FGFR2: variants seen among roughly 807,000 people sequenced by gnomAD.
The protein encoded by FGFR2 is fibroblast growth factor receptor 2.
In FGFR2, 19 loss-of-function variants were observed where a neutral mutation model predicts 95.9. The observed-to-expected ratio is 0.20, with a 90% confidence interval of 0.14 to 0.29. The LOEUF (loss-of-function observed/expected upper bound fraction) is 0.29, where lower values mean the gene tolerates loss of function less well. FGFR2 is among the 10% of genes least tolerant of loss of function. The pLI is 1.00. For synonymous variants in FGFR2, 392 were observed against 393.3 expected (o/e 1.00, Z 0.04); for missense variants, 707 against 1,056.9 (o/e 0.67, Z 4.59).
At chr10:121,584,997 C>G (rs1395660869) in intron 2 of FGFR2, among the ~76,000 whole-genome samples, 3 of 150,940 alleles carry the variant, frequency 2.0e-5, no homozygotes, top group Non-Finnish European at 4.4e-5. Flanking sequence ...GATTCCATAA[C>G]CCCTCTCCAA....
chr10:121,487,902 C>G, intron 14 of FGFR2, 89 bp downstream of exon 14: 2 of 1,551,724 alleles, frequency 1.3e-6, no homozygotes, highest in Admixed American at 1.7e-5. Context: ...AGCCATCCCA[C>G]CCAGCTCTCA....
chr10:121,580,066 T>A (rs921106007), intron 2 of FGFR2, among the ~76,000 whole-genome samples: 1 of 152,146 alleles, frequency 6.6e-6, no homozygotes, highest in Non-Finnish European at 1.5e-5. Context: ...GATGTCCAGA[T>A]CCCGTTTGAC....
At chr10:121,529,441 A>C (rs2134452966) in intron 6 of FGFR2, among the ~76,000 whole-genome samples, 1 of 152,356 alleles carries the variant, frequency 6.6e-6, no homozygotes, top group South Asian at 2.1e-4. Context: ...TAAGTCCTTT[A>C]CCTTTCAGTT....
chr10:121,509,335 T>C lies in FGFR2; in HGVS notation c.1288-5394A>G, dbSNP rs536298028. Among the ~76,000 whole-genome samples the C allele has an allele frequency of 1.3e-4, 20 of 152,134 alleles. 1 individual carries two copies. Among genetic ancestry groups the C allele is most frequent in the African/African-American group, 4.3e-4 (18 of 41,536 alleles). On this transcript the variant is annotated intron_variant, in intron 9 of 17. Coordinates refer to ENST00000358487, the MANE Select transcript of FGFR2 (RefSeq NM_000141.5). ...CCATTTCCTCACTTTCCGGAATCTCTCCAGCATGTGCCATAAGTCAAGCTT... is the reference window on the plus strand; with the variant it reads ...CCATTTCCTCACTTTCCGGAATCTCCCCAGCATGTGCCATAAGTCAAGCTT...
At chr10:121,486,729 T>TA (rs1554906904) in intron 15 of FGFR2, among the ~76,000 whole-genome samples, 1 of 152,222 alleles carries the variant, frequency 6.6e-6, no homozygotes, top group Non-Finnish European at 1.5e-5. Context: ...CAGGTATGAG[T>TA]CACTGCACAC....
At chr10:121,578,197 C>T (rs1398436587) in intron 2 of FGFR2, among the ~76,000 whole-genome samples, 1 of 150,028 alleles carries the variant, frequency 6.7e-6, no homozygotes, top group Non-Finnish European at 1.5e-5. Flanking sequence ...TAAAAAGGCA[C>T]AGACCACTCC....
At chr10:121,480,214 G>GT in intron 17 of FGFR2, 193 bp from the exon 18 acceptor site, 1 of 732,968 alleles carries the variant, frequency 1.4e-6, no homozygotes, top group Admixed American at 1.8e-5. Context: ...GGTGAACAGA[G>GT]ACCCAGCCCA....
chr10:121,565,654 G>A lies in FGFR2; in HGVS notation c.160C>T (p.Pro54Ser), dbSNP rs151126801. The A allele has an allele frequency of 1.4e-5, 23 of 1,614,086 alleles. No individual in the cohort carries two copies. The highest frequency in any genetic ancestry group is 1.9e-5 in the Non-Finnish European group (23 of 1,180,048). ...CAGCGCACCTCTAGCGACTCCCCTG[G>A]CGCAGCCACGTACACTTCTGGTTGA... The part of the protein sequence containing the change: ...ISQPEVYVAA[P>S]GESLEVRCLL... The change falls in exon 3 of 18, where the codon CCA (proline) becomes TCA (serine). Residue 54 changes from proline to serine, a missense_variant. By Grantham distance (74) the Pro-to-Ser change is moderately conservative. Transcript: ENST00000358487.
At chr10:121,505,406 T>C (rs893662999) in intron 9 of FGFR2, among the ~76,000 whole-genome samples, 1 of 152,230 alleles carries the variant, frequency 6.6e-6, no homozygotes, top group Non-Finnish European at 1.5e-5. Flanking sequence ...ATTCAATCTT[T>C]TGGCAGGGGG....
chr10:121,484,646 C>A (rs1845177770), intron 16 of FGFR2, among the ~76,000 whole-genome samples: 2 of 152,134 alleles, frequency 1.3e-5, no homozygotes, highest in Non-Finnish European at 2.9e-5. Context: ...AGAGAGACTC[C>A]TTTCAAAGCA....
chr10:121,580,976 G>C (rs539557008), intron 2 of FGFR2, among the ~76,000 whole-genome samples: 2 of 152,304 alleles, frequency 1.3e-5, no homozygotes, highest in South Asian at 4.1e-4. Flanking sequence ...AGGCACCTGG[G>C]AGGAGGCAGA....
chr10:121,564,493 G>A lies in FGFR2; in HGVS notation c.454+9C>T, dbSNP rs2135086257. The A allele has an allele frequency of 2.5e-6, 4 of 1,613,190 alleles. No homozygotes were observed. In the East Asian group the frequency reaches 6.7e-5, roughly 27 times the overall value. On this transcript the variant is annotated intron_variant, in intron 4 of 17. Transcript: ENST00000358487. ...TCTCGGGGACCATCGGAGCCGGGCA[G>A]TTACTTACTCTTGTTGTTACTGTTC...
intron 17 of FGFR2, 178 bp from the exon 18 acceptor site, chr10:121,480,199 T>G: frequency 3.8e-6 from 3 of 789,446 alleles, no homozygotes; most frequent in Non-Finnish European, 6.7e-6. Flanking sequence ...AGGAGACCCC[T>G]AGAAGGTGAA....
intron 14 of FGFR2, among the ~76,000 whole-genome samples, chr10:121,487,625 CT>C (rs1453958099): frequency 3.3e-5 from 5 of 152,178 alleles, no homozygotes; most frequent in Non-Finnish European, 5.9e-5. Flanking sequence ...ATGCCATCTC[CT>C]TGGATTCTAT....
At chr10:121,574,888 A>G (rs745469563) in intron 2 of FGFR2, among the ~76,000 whole-genome samples, 70 of 152,244 alleles carry the variant, frequency 4.6e-4, no homozygotes, top group African/African-American at 1.5e-3. Context: ...CAAACAACAG[A>G]TAAGTACGCA....
At chr10:121,580,504 G>A (rs1168791469) in intron 2 of FGFR2, among the ~76,000 whole-genome samples, 1 of 152,196 alleles carries the variant, frequency 6.6e-6, no homozygotes, top group Admixed American at 6.5e-5. Context: ...TGAAGGCACA[G>A]AGTTGTGGCC....
rs75781575 is a variant in FGFR2, at chr10:121,592,877, C to T, written c.109+832G>A. ...TCTCGGATTACCACTCGAAAAATAACTCAGCTACCAATATTCCCTACTGAT... is the reference window on the plus strand; with the variant it reads ...TCTCGGATTACCACTCGAAAAATAATTCAGCTACCAATATTCCCTACTGAT... On this transcript the variant is annotated intron_variant, in intron 2 of 17. Transcript: ENST00000358487. 7.0e-3 allele frequency among the ~76,000 whole-genome samples: 1,062 copies of T among 152,244 alleles called. 14 individuals carry two copies. Among genetic ancestry groups the T allele is most frequent in the African/African-American group, 0.025 (1,029 of 41,546 alleles).
intron 6 of FGFR2, among the ~76,000 whole-genome samples, chr10:121,535,082 G>C (rs538951530): frequency 1.3e-5 from 2 of 152,304 alleles, no homozygotes; most frequent in East Asian, 3.9e-4. Context: ...GAGATTTTGA[G>C]ACACACAGTG....
intron 14 of FGFR2, 127 bp downstream of exon 14, chr10:121,487,864 G>A (rs1433329867): frequency 1.4e-5 from 16 of 1,166,476 alleles, no homozygotes; most frequent in East Asian, 2.4e-5. Flanking sequence ...TCAAAAGAAC[G>A]GGAATCGGGG....
Sources: allele counts gnomAD v4.1 joint callset (sites outside exome capture counted in the v4.1 genomes callset), GRCh38; gene constraint gnomAD v4.1.1; transcripts MANE v1.5; gene names NCBI Gene and HGNC (gene_info 2026-07-23, HGNC 2026-07-21).